The following CD82 variants were observed in gnomAD, a reference collection of about 807,000 sequenced individuals.
The protein encoded by CD82 is CD82 molecule.
Under a neutral mutation model 37.4 loss-of-function variants are expected in CD82, and 36 were observed. The ratio of observed to expected loss-of-function variants is 0.96; its 90% CI spans 0.74 to 1.27. CD82 has a LOEUF of 1.27. Ranked by LOEUF, CD82 falls within the 50% of genes most tolerant of loss-of-function variation. The probability of loss-of-function intolerance (pLI) is 0.00; values close to 1 mark genes in which losing one functional copy is unlikely to be tolerated. For missense variants in CD82, 340 were observed against 347.0 expected, an observed-to-expected ratio of 0.98 and a Z score of 0.16; for synonymous variants, 158 against 137.4, an observed-to-expected ratio of 1.15 and a Z score of -1.05.
chr11:44,571,368 C>T (rs764437954), intron 1 of CD82, among the ~76,000 whole-genome samples: 10 of 152,174 alleles, frequency 6.6e-5, no homozygotes, highest in Non-Finnish European at 1.5e-4. Context: ...ATTCCCGCCT[C>T]TGCTACTTAC....
At chr11:44,618,954 A>T in intron 9 of CD82, 95 bp from the exon 10 acceptor site, 1 of 1,115,660 alleles carries the variant, frequency 9.0e-7, no homozygotes, top group South Asian at 1.2e-5. Context: ...CAAGTTGAGG[A>T]TCCACTTAAT....
At chr11:44,572,401 A>C (rs1852826522) in intron 1 of CD82, among the ~76,000 whole-genome samples, 1 of 152,260 alleles carries the variant, frequency 6.6e-6, no homozygotes, top group African/African-American at 2.4e-5. Flanking sequence ...CCATTCATAC[A>C]ATGAAGCTAT....
intron 3 of CD82, among the ~76,000 whole-genome samples, chr11:44,598,125 G>A (rs764803783): frequency 2.8e-4 from 43 of 152,158 alleles, no homozygotes; most frequent in South Asian, 1.0e-3. Flanking sequence ...TACAAGGCCC[G>A]TCTCACTGGG....
chr11:44,615,125 C>G, intron 6 of CD82, 147 bp from the exon 7 acceptor site: 1 of 643,614 alleles, frequency 1.6e-6, no homozygotes, highest in South Asian at 1.8e-5. Flanking sequence ...CATCGGGCAC[C>G]CTGGGAGCGC....
chr11:44,583,004 A>C (rs1376543001), intron 1 of CD82, among the ~76,000 whole-genome samples: 3 of 152,158 alleles, frequency 2.0e-5, no homozygotes, highest in Non-Finnish European at 4.4e-5. Flanking sequence ...TGCATTCCCC[A>C]GAAGGGGTGG....
chr11:44,613,843 CAA>C (rs10709853), intron 6 of CD82, among the ~76,000 whole-genome samples: 22 of 145,092 alleles, frequency 1.5e-4, no homozygotes, highest in Admixed American at 4.1e-4. Context: ...CAAAGCAAAA[CAA>C]AAAAAAAAAA....
At chr11:44,601,946 G>A (rs1306147749) in intron 4 of CD82, among the ~76,000 whole-genome samples, 2 of 151,846 alleles carry the variant, frequency 1.3e-5, no homozygotes, top group African/African-American at 2.4e-5. Context: ...TAGTCACAGA[G>A]CAGCTGAGGG....
chr11:44,584,829 C>A (rs1038388447), intron 1 of CD82, among the ~76,000 whole-genome samples: 1 of 152,212 alleles, frequency 6.6e-6, no homozygotes, highest in African/African-American at 2.4e-5. Flanking sequence ...CAAACACAGC[C>A]GTCTGTGCCC....
upstream of CD82, among the ~76,000 whole-genome samples, chr11:44,564,881 C>T (rs138633614): frequency 7.9e-4 from 120 of 152,386 alleles, no homozygotes; most frequent in Non-Finnish European, 1.3e-3. Flanking sequence ...GAGCCTTAAA[C>T]TGCGCATTAG....
chr11:44,571,219 CT>C (rs1852810344), intron 1 of CD82, among the ~76,000 whole-genome samples: 1 of 152,314 alleles, frequency 6.6e-6, no homozygotes, highest in South Asian at 2.1e-4. Flanking sequence ...AGAGAGGTGA[CT>C]TCTAGGCAGG....
chr11:44,616,892 G>A (rs1360095674), intron 7 of CD82, among the ~76,000 whole-genome samples: 1 of 152,186 alleles, frequency 6.6e-6, no homozygotes, highest in Non-Finnish European at 1.5e-5. Context: ...GTGTAGGATG[G>A]CCTGTGGGTG....
intron 6 of CD82, among the ~76,000 whole-genome samples, chr11:44,609,797 C>G (rs1853454647): frequency 6.6e-6 from 1 of 152,140 alleles, no homozygotes; most frequent in Admixed American, 6.5e-5. Flanking sequence ...TGACCTTTCT[C>G]TCCCCTGTTG....
intron 1 of CD82, among the ~76,000 whole-genome samples, chr11:44,577,136 C>T (rs959034715): frequency 6.6e-6 from 1 of 152,138 alleles, no homozygotes; most frequent in Non-Finnish European, 1.5e-5. Context: ...CAGGCTGTCT[C>T]TGTTTCTGAC....
chr11:44,601,336 G>A (rs1310264572), intron 4 of CD82, among the ~76,000 whole-genome samples: 5 of 138,484 alleles, frequency 3.6e-5, no homozygotes, highest in Non-Finnish European at 8.0e-5. Context: ...GGAAAGCAAG[G>A]ATGATCTACA....
intron 1 of CD82, among the ~76,000 whole-genome samples, chr11:44,585,573 G>A (rs1853042257): frequency 1.3e-5 from 2 of 152,182 alleles, no homozygotes; most frequent in African/African-American, 4.8e-5. Flanking sequence ...TAGGTGGGCG[G>A]GGTTGGCATC....
chr11:44,607,656 T>C (rs1331945595), intron 6 of CD82, among the ~76,000 whole-genome samples: 1 of 152,202 alleles, frequency 6.6e-6, no homozygotes, highest in Non-Finnish European at 1.5e-5. Flanking sequence ...CTGCAATACA[T>C]GTTCAAATTT....
intron 1 of CD82, among the ~76,000 whole-genome samples, chr11:44,580,457 G>C (rs141399423): frequency 6.6e-6 from 1 of 152,344 alleles, no homozygotes; most frequent in East Asian, 1.9e-4. Context: ...GCCAGGCGCG[G>C]TGGCTCACGC....
At chr11:44,618,467 A>G in intron 8 of CD82, 102 bp downstream of exon 8, 1 of 1,093,776 alleles carries the variant, frequency 9.1e-7, no homozygotes, top group South Asian at 1.3e-5. Context: ...CCTTCCCTTA[A>G]TTCATCTGTC....
chr11:44,574,070 C>T (rs886279459), intron 1 of CD82, among the ~76,000 whole-genome samples: 9 of 152,016 alleles, frequency 5.9e-5, no homozygotes, highest in African/African-American at 1.9e-4. Context: ...GGGAGCTTTC[C>T]GGGGTTGCTT....
Sources: gnomAD v4.1 joint callset for allele counts (sites outside exome capture counted in the v4.1 genomes callset) on GRCh38, gnomAD v4.1.1 for gene constraint, MANE v1.5 for transcripts, NCBI Gene and HGNC (gene_info 2026-07-23, HGNC 2026-07-21) for gene names.